The following ERCC5 variants were observed in gnomAD, a reference collection of about 807,000 sequenced individuals.
ERCC5 encodes DNA excision repair protein ERCC-5.
In ERCC5, 68 loss-of-function variants were observed where a neutral mutation model predicts 105.6. The observed-to-expected ratio is 0.64, with a 90% confidence interval of 0.53 to 0.79. ERCC5 has a LOEUF of 0.79. ERCC5 is among the 30% of genes least tolerant of loss of function. The pLI, the probability that ERCC5 is intolerant of heterozygous loss-of-function variation, is 0.00. For synonymous variants in ERCC5, 546 were observed against 526.2 expected, an observed-to-expected ratio of 1.04 and a Z score of -0.51; for missense variants, 1,373 against 1,426.7, an observed-to-expected ratio of 0.96 and a Z score of 0.61.
chr13:102,853,978 A>C (rs760149218), intron 3 of ERCC5, 106 bp downstream of exon 3: 1 of 1,121,260 alleles, frequency 8.9e-7, no homozygotes, highest in Non-Finnish European at 1.3e-6. Flanking sequence ...CTCTCAACAG[A>C]AAATAGAGAG....
At chr13:102,868,072 A>C in intron 11 of ERCC5, 41 bp from the exon 12 acceptor site, 1 of 1,581,842 alleles carries the variant, frequency 6.3e-7, no homozygotes, top group East Asian at 2.3e-5. Context: ...ATGTCATATA[A>C]GAAATCTTGA....
At chr13:102,870,747 C>T (rs917061646) in intron 12 of ERCC5, among the ~76,000 whole-genome samples, 1 of 152,104 alleles carries the variant, frequency 6.6e-6, no homozygotes. Context: ...TAATTTCCAA[C>T]GCTAGATGGC....
intron 3 of ERCC5, 35 bp downstream of exon 3, chr13:102,853,907 G>C (rs1882299039): frequency 6.2e-7 from 1 of 1,600,524 alleles, no homozygotes; most frequent in Admixed American, 1.7e-5. Flanking sequence ...TAGAGATGAA[G>C]TTTTAAAAAA....
At chr13:102,872,931 C>T (rs1316644240) in intron 13 of ERCC5, among the ~76,000 whole-genome samples, 4 of 152,300 alleles carry the variant, frequency 2.6e-5, no homozygotes, top group East Asian at 3.9e-4. Flanking sequence ...AATCCAACTA[C>T]GTTTGATTTT....
rs1199420937 is a variant in ERCC5, at chr13:102,858,271, A to C, written c.529-4A>C. 1.9e-6 allele frequency: 3 copies of C among 1,614,014 alleles called. No individual in the cohort carries two copies. Among genetic ancestry groups the C allele is most frequent in the Admixed American group, 3.3e-5 (2 of 60,000 alleles). ...TTCATGGTGCTGTGATTTTATCTTT[A>C]CAGGAAGAGTTCTTTCATAATCCTC... On this transcript the variant is annotated splice_polypyrimidine_tract_variant and splice_region_variant and intron_variant, in intron 5 of 14. Transcript: ENST00000652225.
intron 3 of ERCC5, 39 bp downstream of exon 3, chr13:102,853,911 TA>T (rs757013896): frequency 9.4e-6 from 15 of 1,587,472 alleles, no homozygotes; most frequent in Middle Eastern, 1.7e-4. Context: ...GATGAAGTTT[TA>T]AAAAAGTGAT....
intron 12 of ERCC5, among the ~76,000 whole-genome samples, chr13:102,869,489 T>C (rs1013380812): frequency 4.6e-5 from 7 of 152,150 alleles, no homozygotes; most frequent in African/African-American, 1.7e-4. Flanking sequence ...CATATATATG[T>C]ATACTCATTT....
rs761670503 is a variant in ERCC5, at chr13:102,875,364, A to G, written c.3022A>G (p.Lys1008Glu). The G allele has an allele frequency of 1.1e-5, 17 of 1,613,866 alleles. No homozygotes were observed. Among genetic ancestry groups the G allele is most frequent in the Non-Finnish European group, 1.4e-5 (17 of 1,180,020 alleles). The change falls in exon 15 of 15, where the codon AAA (lysine) becomes GAA (glutamate). Residue 1008 changes from lysine (K) to glutamate (E), a missense_variant. This residue lies in a region of ERCC5 where 367 missense variants were observed against 350.2 expected (regional missense o/e 1.05). Coordinates refer to ENST00000652225, the MANE Select transcript of ERCC5 (RefSeq NM_000123.4). The part of the protein sequence containing the change: ...RLAQQEKEDA[K>E]RIKSQRLNRA... ...AGCACAACAGGAGAAAGAAGATGCT[A>G]AACGTATTAAGAGCCAGAGACTAAA...
chr13:102,863,171 G>T, intron 8 of ERCC5, 68 bp downstream of exon 8: 1 of 1,535,690 alleles, frequency 6.5e-7, no homozygotes, highest in Non-Finnish European at 8.9e-7. Context: ...TTCAGAGATC[G>T]GTTAGTGTAG....
At chr13:102,869,565 C>T (rs1882965821) in intron 12 of ERCC5, among the ~76,000 whole-genome samples, 1 of 151,828 alleles carries the variant, frequency 6.6e-6, no homozygotes, top group Admixed American at 6.6e-5. Flanking sequence ...TTACCTGTAA[C>T]CCATTTGGTA....
chr13:102,868,035 A>G, intron 11 of ERCC5, 78 bp from the exon 12 acceptor site: 3 of 1,404,156 alleles, frequency 2.1e-6, no homozygotes, highest in Non-Finnish European at 3.0e-6. Flanking sequence ...ACACACGTAC[A>G]TGATTTATAT....
chr13:102,860,261 A>G (rs1285432163), intron 6 of ERCC5, among the ~76,000 whole-genome samples: 1 of 152,224 alleles, frequency 6.6e-6, no homozygotes, highest in Non-Finnish European at 1.5e-5. Flanking sequence ...GAAAGAAAAA[A>G]ATCGTATTCT....
In ERCC5 at chr13:102,862,107, G is replaced by A; in HGVS notation, c.958G>A (p.Asp320Asn). 1 of 1,614,114 alleles carries A rather than the reference G, an allele frequency of 6.2e-7. No individual in the cohort carries two copies. Among genetic ancestry groups the A allele is most frequent in the Non-Finnish European group, 8.5e-7 (1 of 1,179,980 alleles). The change falls in exon 8 of 15, where the codon GAC becomes AAC. Residue 320 changes from aspartate (D) to asparagine (N), a missense_variant. Asp to Asn is a conservative substitution (Grantham distance 23). Around this residue, in one of 3 missense-constraint regions of ERCC5, gnomAD observed 1,004 missense variants for 1,059.7 expected, o/e 0.95. Coordinates refer to ENST00000652225, the MANE Select transcript of ERCC5 (RefSeq NM_000123.4). ...SSSKMHGMSFDVKSSPCEKLK... is the reference protein window; with the variant it reads ...SSSKMHGMSFNVKSSPCEKLK... ...CAGCAAAATGCACGGCATGTCTTTT[G>A]ACGTGAAGTCATCTCCATGTGAAAA...
chr13:102,867,012 A>G (rs1335158910), intron 11 of ERCC5, among the ~76,000 whole-genome samples, 167 bp downstream of exon 11: 2 of 152,134 alleles, frequency 1.3e-5, no homozygotes, highest in African/African-American at 4.8e-5. Flanking sequence ...AGGATTTTAA[A>G]CATTTGAATT....
Position 102,865,327 on chromosome 13 carries a change from T to G in ERCC5, c.1955-340T>G. On this transcript the variant is annotated intron_variant, in intron 8 of 14. Coordinates refer to ENST00000652225, the MANE Select transcript of ERCC5 (RefSeq NM_000123.4). This position sits in a 1 kb window ranked among gnomAD's most constrained non-coding sequence, Gnocchi z 4.0. Reference sequence around the variant, plus strand: ...AAAACATACTGAGCAACTTCCATGATTGTTTATATACTTTGATAATCCTCC... The same window carrying G: ...AAAACATACTGAGCAACTTCCATGAGTGTTTATATACTTTGATAATCCTCC... 5.8e-6 allele frequency: 2 copies of G among 342,782 alleles called. No homozygotes were observed. The highest frequency in any genetic ancestry group is 1.1e-5 in the Non-Finnish European group (2 of 177,590). The allele number at this position is 342,782 out of a possible 1,614,324, so 21.2% of individuals were successfully genotyped here. A position where few individuals can be genotyped will look rare whatever the true frequency, so the allele number is the denominator to read the frequency against.
Position 102,865,656 on chromosome 13 carries a change from T to A in ERCC5, c.1955-11T>A, listed in dbSNP as rs964362227. 3 of 1,613,050 alleles carry A rather than the reference T, an allele frequency of 1.9e-6. No individual in the cohort carries two copies. Among genetic ancestry groups the A allele is most frequent in the Non-Finnish European group, 8.5e-7 (1 of 1,179,644 alleles). ...GATTGTAGATGAAGTGACCTTTTAA[T>A]TTTGGTACAGGAAGTTTCATTGAAG... On this transcript the variant is annotated splice_polypyrimidine_tract_variant and intron_variant, in intron 8 of 14. Coordinates refer to ENST00000652225, the MANE Select transcript of ERCC5 (RefSeq NM_000123.4). The surrounding 1 kb of genome is among the most constrained non-coding windows in gnomAD (Gnocchi z 4.0).
chr13:102,868,230 A>G lies in ERCC5; in HGVS notation c.2651A>G (p.His884Arg), dbSNP rs1389854738. Residue 884 changes from histidine (H) to arginine (R), a missense_variant, in exon 12 of 15, where the codon CAT becomes CGT. By Grantham distance (29) the His-to-Arg change is conservative. Coordinates refer to ENST00000652225, the MANE Select transcript of ERCC5 (RefSeq NM_000123.4). Reference sequence around the variant, plus strand: ...GAAATTCTCAATGAATTCCCTGGGCATGGCCTGGAACCTCTCCTAAAATTC... The same window carrying G: ...GAAATTCTCAATGAATTCCCTGGGCGTGGCCTGGAACCTCTCCTAAAATTC... ...AMEILNEFPG[H>R]GLEPLLKFSE... 1.2e-6 allele frequency: 2 copies of G among 1,614,240 alleles called. No individual in the cohort carries two copies. Among genetic ancestry groups the G allele is most frequent in the Admixed American group, 1.7e-5 (1 of 60,030 alleles).
rs200001652 is a variant in ERCC5 at position 102,872,361 on chromosome 13, T to C, written c.2842T>C (p.Phe948Leu). The stretch of plus-strand genomic sequence containing the variant: ...CGTGGTGGATGACTCGAAGGGATCC[T>C]TTCTGTGGGGGAAACCTGATCTCGA... ...KPVVDDSKGSFLWGKPDLDKI... is the reference protein window; with the variant it reads ...KPVVDDSKGSLLWGKPDLDKI... The change falls in exon 13 of 15, where the codon TTT (phenylalanine) becomes CTT (leucine). Residue 948 changes from phenylalanine (F) to leucine (L), a missense_variant. Around this residue, in one of 3 missense-constraint regions of ERCC5, gnomAD observed 367 missense variants for 350.2 expected, o/e 1.05. Coordinates refer to ENST00000652225, the MANE Select transcript of ERCC5 (RefSeq NM_000123.4). 2.1e-5 allele frequency: 34 copies of C among 1,614,206 alleles called. No homozygotes were observed. In the African/African-American group the frequency reaches 3.9e-4, roughly 18 times the overall value.
Position 102,875,367 on chromosome 13 carries a change from C to T in ERCC5, c.3025C>T (p.Arg1009Cys), listed in dbSNP as rs769849733. 4.2e-5 allele frequency: 68 copies of T among 1,613,644 alleles called. No individual in the cohort carries two copies. Among genetic ancestry groups the T allele is most frequent in the Middle Eastern group, 3.3e-4 (2 of 6,084 alleles). Residue 1009 changes from arginine (R) to cysteine (C), a missense_variant, in exon 15 of 15, where the codon CGT becomes TGT. Coordinates refer to ENST00000652225, the MANE Select transcript of ERCC5 (RefSeq NM_000123.4). The part of the protein sequence containing the change: ...LAQQEKEDAK[R>C]IKSQRLNRAV... Reference sequence around the variant, plus strand: ...ACAACAGGAGAAAGAAGATGCTAAACGTATTAAGAGCCAGAGACTAAACAG... The same window carrying T: ...ACAACAGGAGAAAGAAGATGCTAAATGTATTAAGAGCCAGAGACTAAACAG...
Sources: allele counts gnomAD v4.1 joint callset (sites outside exome capture counted in the v4.1 genomes callset), GRCh38; gene constraint gnomAD v4.1.1; regional missense constraint gnomAD v4.1.1; non-coding constraint Gnocchi (gnomAD v3.1); transcripts MANE v1.5; gene names NCBI Gene and HGNC (gene_info 2026-07-23, HGNC 2026-07-21).